Variants in RNASE9 observed in about 807,000 individuals in gnomAD.
RNASE9 encodes inactive ribonuclease-like protein 9.
For synonymous variants in RNASE9, 95 were observed against 87.6 expected (o/e 1.08, Z -0.47); for missense variants, 263 against 247.1 (o/e 1.06, Z -0.43).
exon 3 of RNASE9, chr14:20,556,865 C>T: frequency 6.2e-7 from 1 of 1,614,194 alleles, no homozygotes; most frequent in South Asian, 1.1e-5. Flanking sequence ...TCAATAAGGA[C>T]ACGTCTTTTG....
chr14:20,556,745 A>G (rs1883710291), exon 3 of RNASE9: 2 of 1,613,898 alleles, frequency 1.2e-6, no homozygotes, highest in African/African-American at 2.7e-5. Context: ...AGCTCGTCAT[A>G]TTGCATAAGA....
chr14:20,560,615 A>G (rs1223036244), intron 1 of RNASE9, among the ~76,000 whole-genome samples: 1 of 152,076 alleles, frequency 6.6e-6, no homozygotes, highest in African/African-American at 2.4e-5. Flanking sequence ...ATGACAATAC[A>G]CATTGCAATA....
chr14:20,556,409 A>G (rs1883686906), exon 3 of RNASE9: 1 of 1,367,950 alleles, frequency 7.3e-7, no homozygotes, highest in Admixed American at 1.9e-5. Context: ...ATCAGTATGG[A>G]GAGAAATATT....
intron 2 of RNASE9, chr14:20,558,761 G>GT: frequency 1.6e-6 from 1 of 630,866 alleles, no homozygotes; most frequent in East Asian, 2.8e-5. Context: ...ATACTCTTTT[G>GT]TTTTTTAAAT....
chr14:20,557,377 CAA>C (rs1883751145), exon 3 of RNASE9: 1 of 309,732 alleles, frequency 3.2e-6, no homozygotes, highest in African/African-American at 2.1e-5. Context: ...AGAAATGGAG[CAA>C]GAGAGAGATT....
At chr14:20,557,940 C>G (rs1467215220) in exon 3 of RNASE9, 2 of 153,102 alleles carry the variant, frequency 1.3e-5, no homozygotes, top group African/African-American at 2.4e-5. Flanking sequence ...TGGTTCAAGC[C>G]TATTTTTGTC....
chr14:20,557,110 A>C (rs1883737324), exon 3 of RNASE9: 4 of 1,561,660 alleles, frequency 2.6e-6, no homozygotes, highest in Non-Finnish European at 3.5e-6. Context: ...GATATGTTCT[A>C]TTGTGATAAT....
chr14:20,557,259 C>A (rs112306131), exon 3 of RNASE9: 1 of 605,104 alleles, frequency 1.7e-6, no homozygotes, highest in Non-Finnish European at 2.8e-6. Flanking sequence ...AATGACCTTA[C>A]TAGGCCTACA....
exon 3 of RNASE9, chr14:20,556,861 A>G (rs138769265): frequency 1.9e-6 from 3 of 1,614,236 alleles, no homozygotes; most frequent in Non-Finnish European, 1.7e-6. Context: ...AGGTTCAATA[A>G]GGACACGTCT....
intron 1 of RNASE9, among the ~76,000 whole-genome samples, 162 bp from the exon 2 acceptor site, chr14:20,559,795 T>C (rs1883880308): frequency 6.6e-6 from 1 of 152,228 alleles, no homozygotes; most frequent in Admixed American, 6.5e-5. Flanking sequence ...CAGCAAATGT[T>C]CTTGGAAGAA....
At chr14:20,560,151 A>G (rs1461776896) in intron 1 of RNASE9, among the ~76,000 whole-genome samples, 1 of 152,180 alleles carries the variant, frequency 6.6e-6, no homozygotes, top group Non-Finnish European at 1.5e-5. Context: ...TTTTAAATTT[A>G]AGTTTAAGAT....
At chr14:20,556,848 T>G (rs1566551948) in exon 3 of RNASE9, 2 of 1,614,236 alleles carry the variant, frequency 1.2e-6, no homozygotes, top group East Asian at 4.5e-5. Flanking sequence ...TTAGTGGCAT[T>G]CCAGGTTCAA....
chr14:20,556,626 A>G (rs766275623), exon 3 of RNASE9: 1 of 1,613,470 alleles, frequency 6.2e-7, no homozygotes. Flanking sequence ...CTGGTATTTC[A>G]AATGCTTCTG....
chr14:20,557,010 C>T, exon 3 of RNASE9: 1 of 1,613,962 alleles, frequency 6.2e-7, no homozygotes, highest in South Asian at 1.1e-5. Flanking sequence ...CCAGCTGCAG[C>T]AGCTGCTGCG....
chr14:20,560,545 A>G (rs1278101428), intron 1 of RNASE9, among the ~76,000 whole-genome samples: 1 of 152,118 alleles, frequency 6.6e-6, no homozygotes, highest in Non-Finnish European at 1.5e-5. Context: ...ATTTTAAAAT[A>G]TAAATATCCA....
exon 3 of RNASE9, chr14:20,556,289 G>A (rs1594457476): frequency 1.7e-6 from 1 of 595,274 alleles, no homozygotes; most frequent in African/African-American, 1.8e-5. Flanking sequence ...AGCACCGTCT[G>A]TGAACCTAGC....
intron 1 of RNASE9, 111 bp downstream of exon 1, chr14:20,560,763 G>A (rs1883923633): frequency 6.6e-6 from 1 of 151,812 alleles, no homozygotes; most frequent in African/African-American, 2.4e-5. Context: ...GAGAAACAAG[G>A]AGAATAGAAA....
chr14:20,557,195 A>G (rs1051041056), exon 3 of RNASE9: 43 of 1,002,670 alleles, frequency 4.3e-5, no homozygotes, highest in Admixed American at 8.3e-5. Flanking sequence ...ATTTTGGACC[A>G]TTTTTAAATT....
At chr14:20,558,346 G>A in exon 3 of RNASE9, 1 of 642,576 alleles carries the variant, frequency 1.6e-6, no homozygotes, top group Non-Finnish European at 2.8e-6. Flanking sequence ...AGAGAATGAT[G>A]GAATTAAAGA....
Sources: gnomAD v4.1 joint callset for allele counts (sites outside exome capture counted in the v4.1 genomes callset) on GRCh38, gnomAD v4.1.1 for gene constraint, MANE v1.5 for transcripts, NCBI Gene and HGNC (gene_info 2026-07-23, HGNC 2026-07-21) for gene names.